Variants in CD2 observed in about 807,000 individuals in gnomAD.
The protein encoded by CD2 is CD2 molecule, also known as T-cell surface antigen CD2.
Under a neutral mutation model 23.2 loss-of-function variants are expected in CD2, and 18 were observed. That is an observed-to-expected ratio of 0.77 (90% CI 0.54 to 1.15). The LOEUF (loss-of-function observed/expected upper bound fraction) is 1.15. Among genes scored for constraint, CD2 ranks in the 50% most tolerant of loss-of-function variants. The pLI is 0.00. For synonymous variants in CD2, 162 were observed against 151.9 expected, an observed-to-expected ratio of 1.07 and a Z score of -0.49; for missense variants, 424 against 423.1, an observed-to-expected ratio of 1.00 and a Z score of -0.02.
At chr1:116,766,114 T>C (rs1004461820) in intron 4 of CD2, among the ~76,000 whole-genome samples, 2 of 152,258 alleles carry the variant, frequency 1.3e-5, no homozygotes, top group Non-Finnish European at 2.9e-5. Context: ...TTAAACTGCA[T>C]GCCTGTCAGC....
rs1302052610 is a variant in CD2, at chr1:116,760,547, G to A, written c.528G>A (p.Trp176Ter). Residue 176 changes from tryptophan to a stop codon, truncating the protein, a stop_gained, in exon 3 of 5, where the codon TGG becomes TGA. Transcript: ENST00000369478. LOFTEE classifies it high-confidence loss of function. ...CTCAGAGGGTCATCACACACAAGTG[G>A]ACCACCAGCCTGAGTGCAAAATTCA... is the stretch of plus-strand genomic sequence containing the variant. ...KLSQRVITHK[W>*]TTSLSAKFKC... 2 of 1,614,068 alleles carry A rather than the reference G, an allele frequency of 1.2e-6. No individual in the cohort carries two copies. Among genetic ancestry groups the A allele is most frequent in the African/African-American group, 2.7e-5 (2 of 74,928 alleles).
rs778439027 is a variant in CD2 at position 116,768,660 on chromosome 1, G to T, written c.933G>T (p.Arg311Ser). 1 of 1,614,036 alleles carries T rather than the reference G, an allele frequency of 6.2e-7. No individual in the cohort carries two copies. The change falls in exon 5 of 5, where the codon AGG becomes AGT. Residue 311 changes from arginine to serine, a missense_variant. Physicochemically the swap from Arg to Ser is moderately radical, Grantham distance 110 (BLOSUM62 -1). Transcript: ENST00000369478. ...GHRVQHQPQK[R>S]PPAPSGTQVH... Reference sequence around the variant, plus strand: ...GTGTTCAGCACCAGCCTCAGAAGAGGCCTCCTGCTCCGTCGGGCACACAAG... The same window carrying T: ...GTGTTCAGCACCAGCCTCAGAAGAGTCCTCCTGCTCCGTCGGGCACACAAG...
chr1:116,762,007 T>C (rs941748651), intron 3 of CD2, among the ~76,000 whole-genome samples: 1 of 152,040 alleles, frequency 6.6e-6, no homozygotes, highest in African/African-American at 2.4e-5. Context: ...ATTTTTAAAA[T>C]TTTGTAGAGA....
chr1:116,762,452 A>G (rs1652084391), intron 3 of CD2, among the ~76,000 whole-genome samples: 1 of 152,090 alleles, frequency 6.6e-6, no homozygotes, highest in African/African-American at 2.4e-5. Context: ...TGCGAGAAGG[A>G]CCACTAGGGA....
intron 2 of CD2, among the ~76,000 whole-genome samples, chr1:116,757,275 G>C (rs1651885721): frequency 6.6e-6 from 1 of 152,156 alleles, no homozygotes; most frequent in African/African-American, 2.4e-5. Flanking sequence ...GGGATTACAG[G>C]TGTGAACCAC....
chr1:116,765,163 G>A (rs1292303738), intron 4 of CD2, among the ~76,000 whole-genome samples: 5 of 152,276 alleles, frequency 3.3e-5, no homozygotes, highest in Admixed American at 6.5e-5. Context: ...CAATCTATCA[G>A]CAATGAAAAG....
At chr1:116,761,581 T>A (rs1310206653) in intron 3 of CD2, among the ~76,000 whole-genome samples, 2 of 152,206 alleles carry the variant, frequency 1.3e-5, no homozygotes, top group Non-Finnish European at 2.9e-5. Context: ...TGTAACTTAA[T>A]CTCAGGAGTA....
chr1:116,754,728 T>C lies in CD2; in HGVS notation c.159T>C (p.Asp53=), dbSNP rs888647868. Residue 53 remains aspartate (D), a synonymous_variant, in exon 2 of 5, where the codon GAT becomes GAC. Coordinates refer to ENST00000369478, the MANE Select transcript of CD2 (RefSeq NM_001767.5). Reference sequence around the variant, plus strand: ...TTCCTAGTTTTCAAATGAGTGATGATATTGACGATATAAAATGGGAAAAAA... The same window carrying C: ...TTCCTAGTTTTCAAATGAGTGATGACATTGACGATATAAAATGGGAAAAAA... The part of the protein sequence containing the change: ...LDIPSFQMSD[D]IDDIKWEKTS... 4 of 1,613,232 alleles carry C rather than the reference T, an allele frequency of 2.5e-6. No homozygotes were observed. In the African/African-American group the frequency reaches 5.3e-5, roughly 22 times the overall value.
intron 4 of CD2, among the ~76,000 whole-genome samples, chr1:116,765,612 T>TC (rs1652192979): frequency 1.3e-5 from 2 of 152,098 alleles, no homozygotes; most frequent in African/African-American, 4.8e-5. Context: ...GTCCCATTCT[T>TC]CCCACCACGA....
At chr1:116,760,037 C>T (rs1258807102) in intron 2 of CD2, among the ~76,000 whole-genome samples, 1 of 152,186 alleles carries the variant, frequency 6.6e-6, no homozygotes, top group Non-Finnish European at 1.5e-5. Context: ...GCCCCAAGAC[C>T]ACCTACTGGA....
rs1652301978 is a variant in CD2, at chr1:116,768,747, G to A, written c.1020G>A (p.Gly340=). 1.2e-6 allele frequency: 2 copies of A among 1,613,748 alleles called. No individual in the cohort carries two copies. Among genetic ancestry groups the A allele is most frequent in the Non-Finnish European group, 8.5e-7 (1 of 1,179,944 alleles). Residue 340 remains glycine (G), a synonymous_variant, in exon 5 of 5, where the codon GGG becomes GGA. Transcript: ENST00000369478. ...GAGTTCAGCCAAAACCTCCCCATGG[G>A]GCAGCAGAAAACTCATTGTCCCCTT... is the stretch of plus-strand genomic sequence containing the variant. ...RPRVQPKPPH[G]AAENSLSPSS...
chr1:116,767,888 G>A (rs1652264474), intron 4 of CD2, among the ~76,000 whole-genome samples: 1 of 152,174 alleles, frequency 6.6e-6, no homozygotes, highest in Non-Finnish European at 1.5e-5. Context: ...AGGAGAGGAG[G>A]AGTTCTTTCC....
chr1:116,764,449 C>A, intron 3 of CD2, 35 bp from the exon 4 acceptor site: 2 of 1,608,008 alleles, frequency 1.2e-6, no homozygotes, highest in Non-Finnish European at 8.5e-7. Flanking sequence ...CTGCCTGGAC[C>A]CCTCCCAGCC....
chr1:116,768,570 T>C lies in CD2; in HGVS notation c.843T>C (p.His281=). 1.9e-6 allele frequency: 3 copies of C among 1,613,928 alleles called. No individual in the cohort carries two copies. Among genetic ancestry groups the C allele is most frequent in the Non-Finnish European group, 2.5e-6 (3 of 1,179,992 alleles). ...STPQNPATSQ[H]PPPPPGHRSQ... Reference sequence around the variant, plus strand: ...CTCAGAATCCAGCAACTTCCCAACATCCTCCTCCACCACCTGGTCATCGTT... The same window carrying C: ...CTCAGAATCCAGCAACTTCCCAACACCCTCCTCCACCACCTGGTCATCGTT... The change falls in exon 5 of 5, where the codon CAT becomes CAC. Residue 281 remains histidine, a synonymous_variant. Transcript: ENST00000369478.
At chr1:116,758,182 T>C (rs950117411) in intron 2 of CD2, among the ~76,000 whole-genome samples, 3 of 152,120 alleles carry the variant, frequency 2.0e-5, no homozygotes, top group Non-Finnish European at 4.4e-5. Flanking sequence ...TAATTTTTAA[T>C]CTGCTTTAAA....
intron 2 of CD2, among the ~76,000 whole-genome samples, chr1:116,755,827 A>C (rs1651827874): frequency 6.6e-6 from 1 of 152,156 alleles, no homozygotes; most frequent in African/African-American, 2.4e-5. Context: ...AGAAAGTGGA[A>C]TCGAAATGCC....
At chr1:116,756,554 G>C (rs1390390221) in intron 2 of CD2, among the ~76,000 whole-genome samples, 1 of 152,004 alleles carries the variant, frequency 6.6e-6, no homozygotes, top group East Asian at 1.9e-4. Context: ...GGTCTTTTTG[G>C]CAAGAATGAC....
rs146859447 is a variant in CD2 at position 116,763,089 on chromosome 1, C to T, written c.614-1395C>T. Among the ~76,000 whole-genome samples the T allele has an allele frequency of 9.8e-5, 15 of 152,300 alleles. No individual in the cohort carries two copies. The East Asian group carries it at 2.9e-3, about 29-fold the overall frequency. ...CTGCCCCTCGTCCAAGCCAGCAGGG[C>T]CTAAAGGGCCCTGAATCCTTTACTG... On this transcript the variant is annotated intron_variant, in intron 3 of 4. Coordinates refer to ENST00000369478, the MANE Select transcript of CD2 (RefSeq NM_001767.5).
Position 116,760,610 on chromosome 1 carries a change from T to G in CD2, c.591T>G (p.Ser197Arg). 6.2e-7 allele frequency: 1 copy of G among 1,614,144 alleles called. No homozygotes were observed. The highest frequency in any genetic ancestry group is 2.2e-5 in the East Asian group (1 of 44,882). Reference protein sequence around the residue: ...TAGNKVSKESSVEPVSCPEKG... With the variant: ...TAGNKVSKESRVEPVSCPEKG... The stretch of plus-strand genomic sequence containing the variant: ...GGAACAAAGTCAGCAAGGAATCCAG[T>G]GTCGAGCCTGTCAGCTGTCCAGGTG... The change falls in exon 3 of 5, where the codon AGT (serine) becomes AGG (arginine). Residue 197 changes from serine (S) to arginine (R), a missense_variant. Transcript: ENST00000369478.
Sources: allele counts gnomAD v4.1 joint callset (sites outside exome capture counted in the v4.1 genomes callset), GRCh38; gene constraint gnomAD v4.1.1; transcripts MANE v1.5; gene names NCBI Gene and HGNC (gene_info 2026-07-23, HGNC 2026-07-21).